The following ANKS1B variants were observed in gnomAD, a reference collection of about 807,000 sequenced individuals.
ANKS1B encodes ankyrin repeat and sterile alpha motif domain containing 1B, also known as ankyrin repeat and sterile alpha motif domain-containing protein 1B.
Under a neutral mutation model 148.3 loss-of-function variants are expected in ANKS1B, and 36 were observed. The observed-to-expected ratio is 0.24, with a 90% CI of 0.19 to 0.32. ANKS1B has a LOEUF of 0.32. Among genes scored for constraint, ANKS1B ranks in the 10% least tolerant of loss-of-function variants. ANKS1B has a pLI of 1.00. For missense variants in ANKS1B, 1,157 were observed against 1,542.6 expected (o/e 0.75, Z 4.19); for synonymous variants, 542 against 560.8 (o/e 0.97, Z 0.47).
At chr12:98,896,314 T>C (rs745746742) in intron 17 of ANKS1B, among the ~76,000 whole-genome samples, 1 of 152,178 alleles carries the variant, frequency 6.6e-6, no homozygotes, top group African/African-American at 2.4e-5. Context: ...AATAGAAATA[T>C]GAATGAATTA....
intron 8 of ANKS1B, among the ~76,000 whole-genome samples, chr12:99,736,883 G>C (rs1467650823): frequency 6.6e-6 from 1 of 151,986 alleles, no homozygotes; most frequent in East Asian, 1.9e-4. Flanking sequence ...ATAGGCAAAG[G>C]AAATGAATAG....
chr12:99,157,579 G>A (rs1471460594), intron 14 of ANKS1B, among the ~76,000 whole-genome samples: 2 of 152,150 alleles, frequency 1.3e-5, no homozygotes, highest in East Asian at 1.9e-4. Context: ...CAGAGAGAGG[G>A]AAAGAGGGAG....
chr12:98,870,526 C>T (rs989057663), intron 17 of ANKS1B, among the ~76,000 whole-genome samples: 1 of 152,186 alleles, frequency 6.6e-6, no homozygotes, highest in Admixed American at 6.5e-5. Flanking sequence ...TCAGGCCTGC[C>T]TGGGAGAAGA....
At chr12:99,707,687 G>A (rs1258338435) in intron 8 of ANKS1B, among the ~76,000 whole-genome samples, 1 of 152,056 alleles carries the variant, frequency 6.6e-6, no homozygotes, top group Non-Finnish European at 1.5e-5. Context: ...TGTACAGAAA[G>A]AAAGGGCAGC....
chr12:98,913,788 A>G (rs1330122708), intron 17 of ANKS1B, among the ~76,000 whole-genome samples: 1 of 151,850 alleles, frequency 6.6e-6, no homozygotes, highest in Non-Finnish European at 1.5e-5. Flanking sequence ...CCACTACCAC[A>G]CCCATCTAAT....
intron 17 of ANKS1B, among the ~76,000 whole-genome samples, chr12:99,034,006 G>A (rs749543897): frequency 6.6e-6 from 1 of 152,178 alleles, no homozygotes; most frequent in Non-Finnish European, 1.5e-5. Context: ...CTTGGGTGTT[G>A]AGCCAACATT....
intron 19 of ANKS1B, among the ~76,000 whole-genome samples, chr12:98,809,933 T>G (rs2099081466): frequency 1.3e-5 from 2 of 152,170 alleles, no homozygotes; most frequent in African/African-American, 4.8e-5. Context: ...TTTGTGGCTA[T>G]AAGATACCAA....
At chr12:99,746,083 A>G (rs1485528921) in intron 8 of ANKS1B, among the ~76,000 whole-genome samples, 3 of 152,178 alleles carry the variant, frequency 2.0e-5, no homozygotes, top group African/African-American at 7.2e-5. Flanking sequence ...CCAAGTTTAC[A>G]TAACTGGTGA....
intron 8 of ANKS1B, among the ~76,000 whole-genome samples, chr12:99,688,533 A>G (rs1021089962): frequency 6.6e-6 from 1 of 152,194 alleles, no homozygotes; most frequent in African/African-American, 2.4e-5. Flanking sequence ...TTTTCGGAAA[A>G]TATCAATATA....
chr12:98,752,078 A>G (rs998977400), intron 25 of ANKS1B, among the ~76,000 whole-genome samples: 2 of 152,170 alleles, frequency 1.3e-5, no homozygotes, highest in Non-Finnish European at 2.9e-5. Context: ...TTATCTACCT[A>G]TGGCCTGGAA....
chr12:99,779,892 G>C lies in ANKS1B; in HGVS notation c.826C>G (p.Gln276Glu). Residue 276 changes from glutamine to glutamate, a missense_variant, in exon 6 of 27, where the codon CAG becomes GAG. Around this residue, in one of 6 missense-constraint regions of ANKS1B, gnomAD observed 661 missense variants for 642.1 expected, o/e 1.03. Transcript: ENST00000683438. ...TTACCTTGTAAGAGTGTTGCAATCT[G>C]GAGAGATTTCTGAGATGGATGTTCT... is the stretch of plus-strand genomic sequence containing the variant. Reference protein sequence around the residue: ...LKEHPSQKSLQIATLLQEYLE... With the variant: ...LKEHPSQKSLEIATLLQEYLE... The C allele has an allele frequency of 6.2e-7, 1 of 1,612,418 alleles. No individual in the cohort carries two copies. The highest frequency in any genetic ancestry group is 8.5e-7 in the Non-Finnish European group (1 of 1,179,140).
intron 17 of ANKS1B, among the ~76,000 whole-genome samples, chr12:98,945,411 C>T (rs745693500): frequency 2.7e-5 from 4 of 150,364 alleles, no homozygotes; most frequent in Non-Finnish European, 4.4e-5. Context: ...AGAAGGATTG[C>T]CTGAGCCCGG....
intron 17 of ANKS1B, among the ~76,000 whole-genome samples, chr12:98,936,455 C>T (rs983715575): frequency 2.2e-4 from 34 of 152,164 alleles, no homozygotes; most frequent in African/African-American, 7.7e-4. Flanking sequence ...GTTGAAACCT[C>T]GTCTCTACTA....
intron 12 of ANKS1B, among the ~76,000 whole-genome samples, chr12:99,396,927 C>G (rs552619747): frequency 6.6e-6 from 1 of 152,022 alleles, no homozygotes; most frequent in Non-Finnish European, 1.5e-5. Context: ...TCTGTCATTG[C>G]CCCATTTTAG....
chr12:99,823,163 T>G (rs1218358088), intron 2 of ANKS1B, among the ~76,000 whole-genome samples: 1 of 152,190 alleles, frequency 6.6e-6, no homozygotes, highest in Non-Finnish European at 1.5e-5. Flanking sequence ...GTTGAATTCT[T>G]TAAATTCCTT....
At chr12:99,912,751 TTA>T (rs1295531628) in intron 1 of ANKS1B, among the ~76,000 whole-genome samples, 1 of 152,110 alleles carries the variant, frequency 6.6e-6, no homozygotes, top group Non-Finnish European at 1.5e-5. Flanking sequence ...AATACATTAT[TTA>T]TATATATAAT....
At chr12:99,636,256 A>G (rs1451174211) in intron 9 of ANKS1B, among the ~76,000 whole-genome samples, 1 of 152,204 alleles carries the variant, frequency 6.6e-6, no homozygotes, top group East Asian at 1.9e-4. Flanking sequence ...ACACCAAGTT[A>G]GTAAATACTA....
intron 15 of ANKS1B, among the ~76,000 whole-genome samples, chr12:99,096,339 T>C (rs1258062090): frequency 6.6e-6 from 1 of 152,138 alleles, no homozygotes; most frequent in East Asian, 1.9e-4. Flanking sequence ...TTGGTTTTGG[T>C]CTTGAAGACA....
At chr12:99,607,797 A>C (rs1472422252) in intron 9 of ANKS1B, among the ~76,000 whole-genome samples, 1 of 152,094 alleles carries the variant, frequency 6.6e-6, no homozygotes, top group Non-Finnish European at 1.5e-5. Context: ...AGTTCTAGAG[A>C]AGTCAGGATA....
Sources: gnomAD v4.1 joint callset for allele counts (sites outside exome capture counted in the v4.1 genomes callset) on GRCh38, gnomAD v4.1.1 for gene constraint, gnomAD v4.1.1 regional missense constraint, MANE v1.5 for transcripts, NCBI Gene and HGNC (gene_info 2026-07-23, HGNC 2026-07-21) for gene names.